Variants in SLC44A3 observed in about 807,000 individuals in gnomAD.
SLC44A3 encodes the protein solute carrier family 44 member 3.
A neutral mutation model predicts 75.4 loss-of-function variants in SLC44A3; 74 were observed. The ratio of observed to expected loss-of-function variants is 0.98; its 90% confidence interval spans 0.81 to 1.19. The LOEUF (loss-of-function observed/expected upper bound fraction) is 1.19. Ranked by LOEUF, SLC44A3 falls within the 50% of genes most tolerant of loss-of-function variation. The pLI is 0.00. For synonymous variants in SLC44A3, 310 were observed against 296.9 expected, an observed-to-expected ratio of 1.04 and a Z score of -0.45; for missense variants, 700 against 778.6, an observed-to-expected ratio of 0.90 and a Z score of 1.20.
chr1:94,842,810 G>A (rs1663840759), intron 8 of SLC44A3, among the ~76,000 whole-genome samples: 1 of 152,206 alleles, frequency 6.6e-6, no homozygotes, highest in Non-Finnish European at 1.5e-5. Context: ...CTGCAGCCAG[G>A]GGTTTCCACA....
intron 9 of SLC44A3, among the ~76,000 whole-genome samples, chr1:94,846,172 C>T (rs551996912): frequency 1.8e-4 from 27 of 149,038 alleles, no homozygotes; most frequent in African/African-American, 6.4e-4. Flanking sequence ...AAGTGTTATG[C>T]CCAGCAGAGC....
intron 10 of SLC44A3, 88 bp from the exon 11 acceptor site, chr1:94,864,655 T>TGTTA (rs1666953838): frequency 7.3e-7 from 1 of 1,369,438 alleles, no homozygotes; most frequent in African/African-American, 1.5e-5. Context: ...CTTTCTAAGT[T>TGTTA]GTTAGTACCA....
At position 94,892,406 on chromosome 1, in the gene SLC44A3, T is replaced by A; in HGVS notation, c.1746T>A (p.Phe582Leu). ...TTGCCTACTTAGTAGCCCATAGTTT[T>A]TTATCTGTGTTTGAAACTGTGCTGG... The part of the protein sequence containing the change: ...AFFAYLVAHS[F>L]LSVFETVLDA... The change falls in exon 14 of 15, where the codon TTT becomes TTA. Residue 582 changes from phenylalanine to leucine, a missense_variant. Transcript: ENST00000271227. 2 of 1,614,202 alleles carry A rather than the reference T, an allele frequency of 1.2e-6. No homozygotes were observed. The highest frequency in any genetic ancestry group is 1.7e-6 in the Non-Finnish European group (2 of 1,180,044).
At chr1:94,868,592 G>A (rs182580383) in intron 12 of SLC44A3, among the ~76,000 whole-genome samples, 313 of 152,324 alleles carry the variant, frequency 2.1e-3, no homozygotes, top group African/African-American at 6.6e-3. Flanking sequence ...TACATTTGTC[G>A]TGGTGTAAGA....
Position 94,894,986 on chromosome 1 carries a change from G to A in SLC44A3, c.*64G>A. 1 of 1,281,636 alleles carries A rather than the reference G, an allele frequency of 7.8e-7. No individual in the cohort carries two copies. The highest frequency in any genetic ancestry group is 1.1e-6 in the Non-Finnish European group (1 of 915,790). The allele number at this position is 1,281,636 out of a possible 1,614,324, so 79.4% of individuals were successfully genotyped here. On this transcript the variant is annotated 3_prime_UTR_variant, in exon 15 of 15. Coordinates refer to ENST00000271227, the MANE Select transcript of SLC44A3 (RefSeq NM_001114106.3). Reference sequence around the variant, plus strand: ...TCTAAGAGCCATTTACAGAATAGAAGATGAGACCACTAGAGAAAAGTTAGT... The same window carrying A: ...TCTAAGAGCCATTTACAGAATAGAAAATGAGACCACTAGAGAAAAGTTAGT...
chr1:94,839,871 TTGTCA>T, intron 6 of SLC44A3, 72 bp from the exon 7 acceptor site: 1 of 1,012,728 alleles, frequency 9.9e-7, no homozygotes, highest in Non-Finnish European at 1.6e-6. Flanking sequence ...CTGGAGGGTT[TTGTCA>T]TCGCAGTACT....
Position 94,829,269 on chromosome 1 carries a change from G to A in SLC44A3, c.509+683G>A, listed in dbSNP as rs563739829. Among the ~76,000 whole-genome samples, 11 of 143,736 alleles carry A rather than the reference G, an allele frequency of 7.7e-5. No homozygotes were observed. In the East Asian group the frequency reaches 1.7e-3, roughly 22 times the overall value. 94.3% of individuals were successfully genotyped at this position (143,736 alleles called of 152,430 possible). A position where few individuals can be genotyped will look rare whatever the true frequency, so the allele number is the denominator to read the frequency against. ...CTGCACTCCAGCCTGGTGACAGAGC[G>A]GGAATCTGTCTCAAAAAAAAAAAGA... On this transcript the variant is annotated intron_variant, in intron 5 of 14. Transcript: ENST00000271227.
chr1:94,878,164 G>A (rs1213439588), intron 12 of SLC44A3, among the ~76,000 whole-genome samples: 3 of 148,124 alleles, frequency 2.0e-5, no homozygotes, highest in Non-Finnish European at 2.9e-5. Flanking sequence ...AACCCCAGGG[G>A]GCGGAGCCTG....
chr1:94,890,566 C>T (rs1263314871), intron 12 of SLC44A3, among the ~76,000 whole-genome samples: 1 of 152,222 alleles, frequency 6.6e-6, no homozygotes, highest in African/African-American at 2.4e-5. Flanking sequence ...GCTCACTTCC[C>T]TAGCAAGGGC....
chr1:94,857,239 T>C, intron 9 of SLC44A3, 96 bp from the exon 10 acceptor site: 2 of 1,298,542 alleles, frequency 1.5e-6, no homozygotes, highest in Non-Finnish European at 2.1e-6. Flanking sequence ...TTTTATGTAA[T>C]GCCAAAGGCC....
intron 5 of SLC44A3, among the ~76,000 whole-genome samples, chr1:94,829,750 T>A (rs1457939214): frequency 6.6e-6 from 1 of 152,186 alleles, no homozygotes; most frequent in African/African-American, 2.4e-5. Context: ...CTCTGAAAAA[T>A]CCCTGAGAAA....
At chr1:94,844,233 C>T (rs1433595367) in intron 8 of SLC44A3, among the ~76,000 whole-genome samples, 1 of 152,126 alleles carries the variant, frequency 6.6e-6, no homozygotes, top group East Asian at 1.9e-4. Context: ...ATTAGGGCCA[C>T]TGGAGGTAAA....
chr1:94,824,753 A>T, intron 3 of SLC44A3, 118 bp downstream of exon 3: 1 of 1,271,340 alleles, frequency 7.9e-7, no homozygotes, highest in Non-Finnish European at 1.1e-6. Flanking sequence ...CTATTTTATA[A>T]AAAGGAAGGC....
At chr1:94,888,656 A>C (rs1669867581) in intron 12 of SLC44A3, 27 of 982,484 alleles carry the variant, frequency 2.7e-5, no homozygotes, top group Non-Finnish European at 2.9e-5. Context: ...TTTTTTTTGC[A>C]GGAAATTCAT....
intron 12 of SLC44A3, among the ~76,000 whole-genome samples, chr1:94,883,310 G>A (rs1669201759): frequency 6.6e-6 from 1 of 152,104 alleles, no homozygotes; most frequent in Non-Finnish European, 1.5e-5. Context: ...AGACCAGCCT[G>A]GGCAATATGG....
At chr1:94,844,347 G>T (rs1664104712) in intron 8 of SLC44A3, among the ~76,000 whole-genome samples, 3 of 152,198 alleles carry the variant, frequency 2.0e-5, no homozygotes, top group Admixed American at 2.0e-4. Flanking sequence ...GTCAATAACT[G>T]ATGTGCTTAT....
intron 3 of SLC44A3, 60 bp from the exon 4 acceptor site, chr1:94,827,447 C>A: frequency 6.3e-7 from 1 of 1,599,596 alleles, no homozygotes; most frequent in South Asian, 1.1e-5. Flanking sequence ...TTAAGGCCCA[C>A]AATTAAGACC....
chr1:94,824,423 T>C, intron 2 of SLC44A3, 70 bp from the exon 3 acceptor site: 2 of 1,479,058 alleles, frequency 1.4e-6, no homozygotes, highest in Non-Finnish European at 9.0e-7. Flanking sequence ...TATATCAGCA[T>C]CTGCAGGGGT....
chr1:94,862,937 G>T (rs1199776632), intron 10 of SLC44A3, among the ~76,000 whole-genome samples: 2 of 152,230 alleles, frequency 1.3e-5, no homozygotes, highest in Non-Finnish European at 2.9e-5. Context: ...TTGGCTGGTT[G>T]TGAGGGAGAC....
Sources: allele counts gnomAD v4.1 joint callset (sites outside exome capture counted in the v4.1 genomes callset), GRCh38; gene constraint gnomAD v4.1.1; transcripts MANE v1.5; gene names NCBI Gene and HGNC (gene_info 2026-07-23, HGNC 2026-07-21).